GPC5: variants seen among roughly 807,000 people sequenced by gnomAD.
GPC5 encodes glypican 5, also known as glypican-5.
A neutral mutation model predicts 53.9 loss-of-function variants in GPC5; 47 were observed. That is an observed-to-expected ratio of 0.87 (90% CI 0.69 to 1.11). The LOEUF (loss-of-function observed/expected upper bound fraction) is 1.11. GPC5 is among the 50% of genes most tolerant of loss of function. The pLI is 0.00. For missense variants in GPC5, 748 were observed against 713.1 expected (o/e 1.05, Z -0.56); for synonymous variants, 286 against 263.3 (o/e 1.09, Z -0.84).
chr13:92,298,379 C>T (rs1453446615), intron 7 of GPC5, among the ~76,000 whole-genome samples: 4 of 152,132 alleles, frequency 2.6e-5, no homozygotes, highest in East Asian at 3.9e-4. Flanking sequence ...AAAATTCAAC[C>T]GGAGGTTTCC....
chr13:92,519,873 G>C (rs1880961759), intron 7 of GPC5, among the ~76,000 whole-genome samples: 1 of 151,800 alleles, frequency 6.6e-6, no homozygotes, highest in African/African-American at 2.4e-5. Context: ...AAAATTGATA[G>C]ACTGCTAGCA....
intron 2 of GPC5, among the ~76,000 whole-genome samples, chr13:91,513,133 A>G (rs1443736866): frequency 1.3e-5 from 2 of 152,176 alleles, no homozygotes; most frequent in Non-Finnish European, 2.9e-5. Flanking sequence ...ATTAAACCTG[A>G]CATGCATTAG....
intron 7 of GPC5, among the ~76,000 whole-genome samples, chr13:92,785,340 G>A (rs1876187385): frequency 6.6e-6 from 1 of 152,122 alleles, no homozygotes; most frequent in Non-Finnish European, 1.5e-5. Context: ...ATGGAATGAA[G>A]TATGAAGGGA....
intron 5 of GPC5, among the ~76,000 whole-genome samples, chr13:91,765,894 G>A (rs1392593273): frequency 6.6e-6 from 1 of 152,210 alleles, no homozygotes; most frequent in African/African-American, 2.4e-5. Context: ...TATTTGAAGT[G>A]AAGTTTTCTG....
intron 7 of GPC5, among the ~76,000 whole-genome samples, chr13:92,756,462 T>A (rs1163342569): frequency 6.6e-6 from 1 of 151,922 alleles, no homozygotes; most frequent in Admixed American, 6.6e-5. Context: ...TTCAACATAG[T>A]GTTGGAAGTT....
chr13:91,774,800 T>C (rs993759690), intron 5 of GPC5, among the ~76,000 whole-genome samples: 1 of 152,192 alleles, frequency 6.6e-6, no homozygotes, highest in East Asian at 1.9e-4. Context: ...TTTCATTGCT[T>C]CCTGGTGGGA....
rs139806172 is a variant in GPC5, at chr13:92,691,732, A to T, written c.1562-174550A>T. Among the ~76,000 whole-genome samples the T allele has an allele frequency of 7.6e-3, 1,150 of 152,046 alleles. 36 individuals are homozygous for T. The highest frequency in any genetic ancestry group is 0.05 in the Admixed American group (770 of 15,268). On this transcript the variant is annotated intron_variant, in intron 7 of 7. Coordinates refer to ENST00000377067, the MANE Select transcript of GPC5 (RefSeq NM_004466.6). ...TCTCCACTTATTTGGATTTCCTTTA[A>T]GATCAATTCCTAAAATTTTCTATAT...
chr13:91,824,972 T>C (rs1363848042), intron 5 of GPC5, among the ~76,000 whole-genome samples: 2 of 152,142 alleles, frequency 1.3e-5, no homozygotes, highest in Non-Finnish European at 2.9e-5. Flanking sequence ...ATATAAAGAA[T>C]AAATGGTTAT....
At position 91,622,400 on chromosome 13, in the gene GPC5, T is replaced by C. The variant is rs140215298; in HGVS notation, c.326-70787T>C. ...AAGATATAGAAATGTCATTTCTACTTCAGAGTACATAAAGGCGTTTTATGG... is the reference window on the plus strand; with the variant it reads ...AAGATATAGAAATGTCATTTCTACTCCAGAGTACATAAAGGCGTTTTATGG... On this transcript the variant is annotated intron_variant, in intron 2 of 7. Transcript: ENST00000377067. 1.2e-3 allele frequency among the ~76,000 whole-genome samples: 178 copies of C among 152,282 alleles called. No individual in the cohort carries two copies. The Middle Eastern group carries it at 0.02, about 17-fold the overall frequency.
At chr13:92,355,037 A>T (rs1006233065) in intron 7 of GPC5, among the ~76,000 whole-genome samples, 1 of 151,538 alleles carries the variant, frequency 6.6e-6, no homozygotes, top group African/African-American at 2.4e-5. Flanking sequence ...TAATCTGCAT[A>T]ATATGCAGAT....
chr13:92,507,920 G>A (rs1250778560), intron 7 of GPC5, among the ~76,000 whole-genome samples: 1 of 151,982 alleles, frequency 6.6e-6, no homozygotes, highest in Non-Finnish European at 1.5e-5. Flanking sequence ...TTGCTGAAAA[G>A]AAAGTCCTGC....
At chr13:92,760,618 G>T in intron 7 of GPC5, among the ~76,000 whole-genome samples, 1 of 149,696 alleles carries the variant, frequency 6.7e-6, no homozygotes, top group African/African-American at 2.5e-5. Flanking sequence ...CTGTTCTATT[G>T]ATTTTTTTCC....
chr13:91,433,768 A>AT (rs1879682621), intron 1 of GPC5, among the ~76,000 whole-genome samples: 1 of 152,126 alleles, frequency 6.6e-6, no homozygotes, highest in African/African-American at 2.4e-5. Context: ...TCCCTGAGGA[A>AT]TTGCCACACT....
chr13:91,431,511 A>G (rs74489527), intron 1 of GPC5, among the ~76,000 whole-genome samples: 6,795 of 152,320 alleles, frequency 0.045, 190 homozygotes, highest in South Asian at 0.13. Flanking sequence ...TTCATTTGCT[A>G]TATTTTGTCT....
chr13:91,449,762 A>G (rs1881061247), intron 2 of GPC5, among the ~76,000 whole-genome samples: 1 of 152,214 alleles, frequency 6.6e-6, no homozygotes, highest in African/African-American at 2.4e-5. Flanking sequence ...AGGCACACTG[A>G]AAAATACATG....
intron 6 of GPC5, among the ~76,000 whole-genome samples, chr13:92,043,555 C>G (rs1017646462): frequency 6.6e-6 from 1 of 152,104 alleles, no homozygotes; most frequent in Non-Finnish European, 1.5e-5. Flanking sequence ...TCATGTGCCA[C>G]GTAGATTTGA....
chr13:92,454,214 G>A (rs1206847331), intron 7 of GPC5, among the ~76,000 whole-genome samples: 1 of 151,914 alleles, frequency 6.6e-6, no homozygotes, highest in Non-Finnish European at 1.5e-5. Flanking sequence ...GTTTGTTTTT[G>A]AATCCGTGAG....
chr13:92,052,892 G>C (rs2138840955), intron 6 of GPC5, among the ~76,000 whole-genome samples: 1 of 152,226 alleles, frequency 6.6e-6, no homozygotes, highest in South Asian at 2.1e-4. Context: ...AGCCCTGTAG[G>C]AACCCTCAAG....
chr13:91,692,326 T>C (rs2035773766), intron 2 of GPC5, among the ~76,000 whole-genome samples: 1 of 152,216 alleles, frequency 6.6e-6, no homozygotes, highest in African/African-American at 2.4e-5. Context: ...ACTTTGAAAA[T>C]GAATGCTTTA....
Sources: gnomAD v4.1 joint callset for allele counts (sites outside exome capture counted in the v4.1 genomes callset) on GRCh38, gnomAD v4.1.1 for gene constraint, MANE v1.5 for transcripts, NCBI Gene and HGNC (gene_info 2026-07-23, HGNC 2026-07-21) for gene names.